The following SH3D19 variants were observed in gnomAD, a reference collection of about 807,000 sequenced individuals.
SH3D19 encodes SH3 domain containing 19.
Under a neutral mutation model 112.1 loss-of-function variants are expected in SH3D19, and 58 were observed. That is an observed-to-expected ratio of 0.52 (90% confidence interval 0.42 to 0.64). The LOEUF (loss-of-function observed/expected upper bound fraction) is 0.64, where lower values mean the gene tolerates loss of function less well. SH3D19 is among the 30% of genes least tolerant of loss of function. The probability of loss-of-function intolerance (pLI) is 0.00; values close to 1 mark genes in which losing one functional copy is unlikely to be tolerated. For synonymous variants in SH3D19, 391 were observed against 448.5 expected, an observed-to-expected ratio of 0.87 and a Z score of 1.62; for missense variants, 1,090 against 1,263.4, an observed-to-expected ratio of 0.86 and a Z score of 2.08.
chr4:151,220,457 A>C (rs1341322826), intron 2 of SH3D19, among the ~76,000 whole-genome samples: 3 of 152,150 alleles, frequency 2.0e-5, no homozygotes, highest in Non-Finnish European at 2.9e-5. Flanking sequence ...CTTGTAGTAG[A>C]TAAAACATTT....
chr4:151,127,302 C>G (rs964703863), intron 19 of SH3D19, among the ~76,000 whole-genome samples: 1 of 152,192 alleles, frequency 6.6e-6, no homozygotes, highest in Non-Finnish European at 1.5e-5. Flanking sequence ...TCATCTGTTA[C>G]CAGGGCTACT....
In SH3D19 at chr4:151,135,144, A is replaced by C; in HGVS notation, c.2428-12T>G. The C allele has an allele frequency of 6.3e-7, 1 of 1,580,954 alleles. No individual in the cohort carries two copies. The highest frequency in any genetic ancestry group is 8.6e-7 in the Non-Finnish European group (1 of 1,164,800). ...TCTGGGATATCAATCTAGCAAAGATAAAATCAAGGCAACAATTATATTTTT... is the reference window on the plus strand; with the variant it reads ...TCTGGGATATCAATCTAGCAAAGATCAAATCAAGGCAACAATTATATTTTT... On this transcript the variant is annotated splice_polypyrimidine_tract_variant and intron_variant, in intron 14 of 19. Transcript: ENST00000604030.
At chr4:151,247,558 A>G (rs536392150) in intron 1 of SH3D19, among the ~76,000 whole-genome samples, 1 of 152,278 alleles carries the variant, frequency 6.6e-6, no homozygotes, top group South Asian at 2.1e-4. Context: ...GTACAATTGG[A>G]TAATTTTTAG....
intron 1 of SH3D19, chr4:151,282,374 T>G: frequency 6.2e-7 from 1 of 1,613,904 alleles, no homozygotes; most frequent in Non-Finnish European, 8.5e-7. Flanking sequence ...TCCACCCTTT[T>G]GTTGGGTGAC....
intron 1 of SH3D19, among the ~76,000 whole-genome samples, chr4:151,308,739 A>T (rs1383311943): frequency 3.3e-5 from 5 of 152,270 alleles, no homozygotes; most frequent in African/African-American, 1.2e-4. Context: ...CTGTAGTGTC[A>T]CTAACCATAA....
At chr4:151,241,238 G>A (rs1303373565) in intron 1 of SH3D19, among the ~76,000 whole-genome samples, 1 of 151,974 alleles carries the variant, frequency 6.6e-6, no homozygotes, top group African/African-American at 2.4e-5. Flanking sequence ...GCAGCAGTGA[G>A]CTATGATTGT....
At chr4:151,275,934 C>T (rs1379811934) in intron 1 of SH3D19, among the ~76,000 whole-genome samples, 1 of 151,488 alleles carries the variant, frequency 6.6e-6, no homozygotes, top group East Asian at 1.9e-4. Context: ...CCTCCGCCTC[C>T]CGGGTTCAAG....
At chr4:151,319,315 G>T (rs1730315364) in intron 1 of SH3D19, among the ~76,000 whole-genome samples, 1 of 152,224 alleles carries the variant, frequency 6.6e-6, no homozygotes, top group Admixed American at 6.5e-5. Context: ...CTCCCAAAGT[G>T]CTGGGATTAC....
chr4:151,196,666 AG>A (rs1311729972), intron 2 of SH3D19, among the ~76,000 whole-genome samples: 4 of 152,196 alleles, frequency 2.6e-5, no homozygotes. Flanking sequence ...TAAACTAAAA[AG>A]CTTCTGCACA....
intron 2 of SH3D19, among the ~76,000 whole-genome samples, chr4:151,201,267 C>T (rs1764353638): frequency 6.6e-6 from 1 of 152,180 alleles, no homozygotes; most frequent in South Asian, 2.1e-4. Flanking sequence ...GAAAATCCCC[C>T]AGAATCCTGA....
At chr4:151,207,429 T>C (rs146060891) in intron 2 of SH3D19, among the ~76,000 whole-genome samples, 89 of 152,318 alleles carry the variant, frequency 5.8e-4, no homozygotes, top group African/African-American at 1.9e-3. Context: ...AAAGAAGACA[T>C]CCTGCATTCA....
intron 2 of SH3D19, among the ~76,000 whole-genome samples, chr4:151,198,422 T>A (rs1763881605): frequency 7.1e-6 from 1 of 141,382 alleles, no homozygotes; most frequent in Non-Finnish European, 1.5e-5. Flanking sequence ...TTATATAAAA[T>A]ATATATTATA....
At position 151,234,735 on chromosome 4, in the gene SH3D19, G is replaced by GTTTTTTTTTT. The variant is rs541665981; in HGVS notation, c.113-8659_113-8650dup. On this transcript the variant is annotated intron_variant, in intron 1 of 19. Transcript: ENST00000604030. ...GTTTTTGTTTTCTTTCCAAGTTTGT[G>GTTTTTTTTTT]TTTTTTTTTTTTTTTTTTTTTTTTT... 1.2e-3 allele frequency among the ~76,000 whole-genome samples: 30 copies of GTTTTTTTTTT among 25,072 alleles called. 2 individuals carry two copies. The highest frequency in any genetic ancestry group is 2.6e-3 in the African/African-American group (28 of 10,792). The allele number at this position is 25,072 out of a possible 152,430, so 16.4% of individuals were successfully genotyped here.
intron 1 of SH3D19, among the ~76,000 whole-genome samples, chr4:151,255,898 C>T (rs1278421468): frequency 2.6e-5 from 4 of 152,104 alleles, no homozygotes; most frequent in African/African-American, 9.7e-5. Context: ...AGCCTGCAAT[C>T]GCAGGCATTC....
chr4:151,286,982 A>AAATAAT (rs113584974), intron 1 of SH3D19, among the ~76,000 whole-genome samples: 5,544 of 141,784 alleles, frequency 0.039, 110 homozygotes, highest in Middle Eastern at 0.069. Context: ...TCTGTCTCAA[A>AAATAAT]AATAATAATA....
intron 1 of SH3D19, among the ~76,000 whole-genome samples, chr4:151,234,730 T>G: frequency 2.0e-5 from 1 of 49,094 alleles, no homozygotes; most frequent in Non-Finnish European, 6.8e-5. Flanking sequence ...TCTTTCCAAG[T>G]TTGTGTTTTT....
At position 151,201,340 on chromosome 4, in the gene SH3D19, C is replaced by T. The variant is rs564084888; in HGVS notation, c.153-13877G>A. Among the ~76,000 whole-genome samples, 7 of 152,264 alleles carry T rather than the reference C, an allele frequency of 4.6e-5. No individual in the cohort carries two copies. In the South Asian group the frequency reaches 1.2e-3, roughly 27 times the overall value. ...TTCAAATCTCTGTATTTCCCATACC[C>T]CTTATTGCTCCAGCATAAAATAAAA... On this transcript the variant is annotated intron_variant, in intron 2 of 19. Transcript: ENST00000604030.
chr4:151,176,155 A>C (rs941244282), intron 6 of SH3D19, among the ~76,000 whole-genome samples: 1 of 152,238 alleles, frequency 6.6e-6, no homozygotes, highest in African/African-American at 2.4e-5. Context: ...TAAAGGCATA[A>C]GCCACAGTGC....
intron 1 of SH3D19, among the ~76,000 whole-genome samples, chr4:151,232,055 A>G (rs1477278980): frequency 6.6e-6 from 1 of 152,112 alleles, no homozygotes; most frequent in African/African-American, 2.4e-5. Context: ...ATGGTGGCGC[A>G]CACCTGTAAT....
Sources: gnomAD v4.1 joint callset for allele counts (sites outside exome capture counted in the v4.1 genomes callset) on GRCh38, gnomAD v4.1.1 for gene constraint, MANE v1.5 for transcripts, NCBI Gene and HGNC (gene_info 2026-07-23, HGNC 2026-07-21) for gene names.